The following NRP1 variants were observed in gnomAD, a reference collection of about 807,000 sequenced individuals.
NRP1 encodes the protein neuropilin 1, also known as neuropilin-1.
NRP1 carries 35 observed loss-of-function variants against 106.7 expected under a neutral mutation model. That is an observed-to-expected ratio of 0.33 (90% CI 0.25 to 0.43). NRP1 has a LOEUF of 0.43. Among genes scored for constraint, NRP1 ranks in the 20% least tolerant of loss-of-function variants. The pLI, the probability that NRP1 is intolerant of heterozygous loss-of-function variation, is 1.00. For missense variants in NRP1, 1,024 were observed against 1,170.4 expected, an observed-to-expected ratio of 0.87 and a Z score of 1.83; for synonymous variants, 437 against 417.9, an observed-to-expected ratio of 1.05 and a Z score of -0.56.
chr10:33,255,709 C>T (rs534682884), intron 5 of NRP1, among the ~76,000 whole-genome samples: 1 of 152,286 alleles, frequency 6.6e-6, no homozygotes, highest in Admixed American at 6.5e-5. Context: ...GCCTCGCCCT[C>T]CCAAAGCACT....
intron 9 of NRP1, chr10:33,211,227 C>G (rs1050444521): frequency 2.0e-5 from 3 of 152,184 alleles, no homozygotes; most frequent in Non-Finnish European, 4.4e-5. Context: ...GTGATGCATC[C>G]TATCAAAAGC....
chr10:33,333,713 C>G (rs1209662922), intron 1 of NRP1, among the ~76,000 whole-genome samples: 16 of 152,182 alleles, frequency 1.1e-4, no homozygotes. Context: ...GAAGCTGCAA[C>G]TAGCTTAGGG....
intron 6 of NRP1, among the ~76,000 whole-genome samples, chr10:33,239,212 C>T (rs114316995): frequency 0.047 from 7,135 of 151,702 alleles, 194 homozygotes; most frequent in Middle Eastern, 0.095. Context: ...CACTTGAGCC[C>T]AGGAGGTCGA....
intron 6 of NRP1, among the ~76,000 whole-genome samples, chr10:33,250,689 G>T (rs972705462): frequency 6.6e-6 from 1 of 152,180 alleles, no homozygotes; most frequent in African/African-American, 2.4e-5. Context: ...GTGTTTACTC[G>T]TTTCTCTGAA....
intron 10 of NRP1, among the ~76,000 whole-genome samples, chr10:33,207,192 T>C (rs1837856156): frequency 6.6e-6 from 1 of 152,134 alleles, no homozygotes; most frequent in African/African-American, 2.4e-5. Flanking sequence ...GATGGAAATA[T>C]TTTGGAACTA....
intron 2 of NRP1, among the ~76,000 whole-genome samples, chr10:33,327,019 T>C (rs1036252061): frequency 5.9e-5 from 9 of 152,156 alleles, no homozygotes; most frequent in African/African-American, 1.9e-4. Flanking sequence ...ACCATCCCTA[T>C]ACTCTACAAA....
chr10:33,316,558 C>A (rs1057376006), intron 2 of NRP1, among the ~76,000 whole-genome samples: 4 of 152,138 alleles, frequency 2.6e-5, no homozygotes, highest in Admixed American at 2.6e-4. Flanking sequence ...GATCAAAAAG[C>A]TTATTCAGAG....
intron 1 of NRP1, among the ~76,000 whole-genome samples, chr10:33,332,431 A>T (rs541755173): frequency 1.8e-4 from 28 of 152,346 alleles, no homozygotes; most frequent in Non-Finnish European, 5.9e-5. Context: ...CTGGACAAAC[A>T]TCATGGTAGT....
intron 12 of NRP1, among the ~76,000 whole-genome samples, chr10:33,196,400 C>T (rs187971924): frequency 6.6e-6 from 1 of 152,304 alleles, no homozygotes; most frequent in Non-Finnish European, 1.5e-5. Flanking sequence ...ACCCTTCATC[C>T]ACAGAAAATC....
intron 1 of NRP1, 130 bp downstream of exon 1, chr10:33,334,180 T>G: frequency 1.3e-6 from 1 of 782,742 alleles, no homozygotes; most frequent in Non-Finnish European, 2.0e-6. Flanking sequence ...TCCTCCCAGA[T>G]AAAAGTTTCC....
intron 2 of NRP1, among the ~76,000 whole-genome samples, chr10:33,282,426 T>C (rs1027904088): frequency 6.6e-5 from 10 of 152,224 alleles, no homozygotes; most frequent in African/African-American, 2.2e-4. Context: ...AATTTAAAGA[T>C]ATTTTTAAAA....
intron 4 of NRP1, among the ~76,000 whole-genome samples, chr10:33,263,355 A>G (rs1419273160): frequency 1.3e-5 from 2 of 152,168 alleles, no homozygotes; most frequent in Non-Finnish European, 2.9e-5. Flanking sequence ...TAGAGAGAAA[A>G]ACTATGTGTT....
At chr10:33,282,450 T>A (rs966544653) in intron 2 of NRP1, among the ~76,000 whole-genome samples, 5 of 152,216 alleles carry the variant, frequency 3.3e-5, no homozygotes, top group Non-Finnish European at 7.3e-5. Flanking sequence ...TCCTGATTAA[T>A]TAGTAATTAT....
In NRP1 at chr10:33,180,189, C is replaced by T; in HGVS notation, c.2659G>A (p.Gly887Arg). 6.2e-7 allele frequency: 1 copy of T among 1,614,154 alleles called. No individual in the cohort carries two copies. Among genetic ancestry groups the T allele is most frequent in the Non-Finnish European group, 8.5e-7 (1 of 1,180,028 alleles). Residue 887 changes from glycine (G) to arginine (R), a missense_variant, in exon 17 of 17, where the codon GGG becomes AGG. By Grantham distance (125) the Gly-to-Arg change is moderately radical (BLOSUM62 -2). Around this residue, in one of 5 missense-constraint regions of NRP1, gnomAD observed 164 missense variants for 161.4 expected, o/e 1.02. Coordinates refer to ENST00000374867, the MANE Select transcript of NRP1 (RefSeq NM_003873.7). ...VVLYCACWHN[G>R]MSERNLSALE... ...GCAGACAAGTTTCTTTCTGACATCC[C>T]ATTATGCCAACAGGCACAGTACAGC...
chr10:33,199,043 T>C (rs374009817), intron 11 of NRP1, among the ~76,000 whole-genome samples: 1 of 152,196 alleles, frequency 6.6e-6, no homozygotes, highest in South Asian at 2.1e-4. Context: ...TACTCACCCA[T>C]TTCCCACTGT....
chr10:33,217,834 G>A (rs2132857829), intron 8 of NRP1, among the ~76,000 whole-genome samples: 1 of 152,250 alleles, frequency 6.6e-6, no homozygotes, highest in East Asian at 1.9e-4. Context: ...GGAGGATTGA[G>A]GTCGTTATTT....
chr10:33,225,700 GT>G (rs1388766092), intron 7 of NRP1, among the ~76,000 whole-genome samples: 1 of 152,186 alleles, frequency 6.6e-6, no homozygotes, highest in East Asian at 1.9e-4. Context: ...TTGTAAATTA[GT>G]TTGTGAGCCA....
chr10:33,195,604 A>G, intron 12 of NRP1: 1 of 532,770 alleles, frequency 1.9e-6, no homozygotes, highest in South Asian at 1.4e-5. Flanking sequence ...TCAAAGTATC[A>G]GGTGACTCAG....
At chr10:33,256,288 G>T (rs760982091) in intron 5 of NRP1, 28 bp downstream of exon 5, 29 of 1,611,354 alleles carry the variant, frequency 1.8e-5, no homozygotes, top group Non-Finnish European at 2.5e-5. Context: ...ATTTACCACA[G>T]GGCTTTGCAA....
Sources: gnomAD v4.1 joint callset for allele counts (sites outside exome capture counted in the v4.1 genomes callset) on GRCh38, gnomAD v4.1.1 for gene constraint, gnomAD v4.1.1 regional missense constraint, MANE v1.5 for transcripts, NCBI Gene and HGNC (gene_info 2026-07-23, HGNC 2026-07-21) for gene names.